The following CTNNA3 variants were observed in gnomAD, a reference collection of about 807,000 sequenced individuals.
The protein encoded by CTNNA3 is catenin alpha-3.
Under a neutral mutation model 95.7 loss-of-function variants are expected in CTNNA3, and 76 were observed. The observed-to-expected ratio is 0.79, with a 90% CI of 0.66 to 0.96. The LOEUF (loss-of-function observed/expected upper bound fraction) is 0.96, where lower values mean the gene tolerates loss of function less well. Ranked by LOEUF, CTNNA3 falls within the 40% of genes least tolerant of loss-of-function variation. The pLI is 0.00. For synonymous variants in CTNNA3, 431 were observed against 374.4 expected (o/e 1.15, Z -1.74); for missense variants, 1,191 against 1,089.8 (o/e 1.09, Z -1.31).
rs1840595140 is a variant in CTNNA3 at position 66,509,885 on chromosome 10, G to A, written c.1531+10732C>T. Among the ~76,000 whole-genome samples, 6 of 151,816 alleles carry A rather than the reference G, an allele frequency of 4.0e-5. No individual in the cohort carries two copies. In the South Asian group the frequency reaches 1.3e-3, roughly 32 times the overall value. ...CTTGGTATTGCATTGGGTATTTGGGGTCATTTGTGGTTCCAGACAATTTTA... is the reference window on the plus strand; with the variant it reads ...CTTGGTATTGCATTGGGTATTTGGGATCATTTGTGGTTCCAGACAATTTTA... On this transcript the variant is annotated intron_variant, in intron 11 of 17. Coordinates refer to ENST00000433211, the MANE Select transcript of CTNNA3 (RefSeq NM_013266.4).
chr10:66,429,663 T>C (rs7393975), intron 11 of CTNNA3, among the ~76,000 whole-genome samples: 58,049 of 151,874 alleles, frequency 0.38, 11,648 homozygotes, highest in African/African-American at 0.5. Flanking sequence ...ACATGATTAT[T>C]TCGATAGATG....
intron 8 of CTNNA3, among the ~76,000 whole-genome samples, chr10:66,770,217 T>C (rs1840032908): frequency 6.6e-6 from 1 of 152,208 alleles, no homozygotes; most frequent in African/African-American, 2.4e-5. Context: ...ATTTTCATTA[T>C]ATGTTCTGAC....
intron 15 of CTNNA3, among the ~76,000 whole-genome samples, chr10:66,006,412 G>A (rs369224686): frequency 9.2e-4 from 140 of 152,156 alleles, no homozygotes; most frequent in African/African-American, 3.2e-3. Context: ...AAGACTAAAA[G>A]TCATTATTCG....
chr10:66,038,487 A>T (rs1251573249), intron 15 of CTNNA3, among the ~76,000 whole-genome samples: 1 of 152,208 alleles, frequency 6.6e-6, no homozygotes. Flanking sequence ...TGTGAAAAAA[A>T]AATTTGAGCA....
chr10:67,509,416 C>T (rs1335227389), intron 5 of CTNNA3, among the ~76,000 whole-genome samples: 1 of 152,062 alleles, frequency 6.6e-6, no homozygotes, highest in African/African-American at 2.4e-5. Flanking sequence ...TGTTCAATTC[C>T]CACCTATAAG....
chr10:66,671,180 T>G (rs1243866972), intron 9 of CTNNA3, among the ~76,000 whole-genome samples: 1 of 152,222 alleles, frequency 6.6e-6, no homozygotes, highest in African/African-American at 2.4e-5. Context: ...AACATTAGTT[T>G]AACTGTAATT....
chr10:67,353,930 C>T (rs1589205652), intron 5 of CTNNA3, among the ~76,000 whole-genome samples: 1 of 151,958 alleles, frequency 6.6e-6, no homozygotes, highest in Admixed American at 6.6e-5. Context: ...AATGAAGAGA[C>T]CGAACTTCAG....
At chr10:66,183,277 T>C (rs1341932338) in intron 13 of CTNNA3, among the ~76,000 whole-genome samples, 1 of 152,236 alleles carries the variant, frequency 6.6e-6, no homozygotes, top group Non-Finnish European at 1.5e-5. Context: ...CATGCCCATG[T>C]GTTCCCATAT....
intron 7 of CTNNA3, among the ~76,000 whole-genome samples, chr10:67,127,412 T>C (rs1166555960): frequency 6.6e-6 from 1 of 152,192 alleles, no homozygotes; most frequent in African/African-American, 2.4e-5. Context: ...CACCTTCACT[T>C]ACATAAAATG....
intron 11 of CTNNA3, among the ~76,000 whole-genome samples, chr10:66,487,956 C>A (rs1460767437): frequency 1.3e-5 from 2 of 152,084 alleles, no homozygotes; most frequent in Non-Finnish European, 2.9e-5. Context: ...TGCCGTAAAC[C>A]AACCTCATCC....
At chr10:66,488,241 C>T (rs1009595579) in intron 11 of CTNNA3, among the ~76,000 whole-genome samples, 1 of 152,088 alleles carries the variant, frequency 6.6e-6, no homozygotes, top group African/African-American at 2.4e-5. Flanking sequence ...AGCAATATTC[C>T]AAATAAATGA....
At chr10:66,684,861 T>C (rs966550290) in intron 9 of CTNNA3, among the ~76,000 whole-genome samples, 5 of 152,056 alleles carry the variant, frequency 3.3e-5, no homozygotes, top group African/African-American at 1.2e-4. Context: ...TGGATGAAGA[T>C]GAACTCCTAT....
chr10:66,653,397 T>G (rs1382301674), intron 9 of CTNNA3, among the ~76,000 whole-genome samples: 1 of 81,840 alleles, frequency 1.2e-5, no homozygotes, highest in Non-Finnish European at 2.3e-5. Flanking sequence ...AGAAATAAAT[T>G]TAAACGAGGT....
chr10:67,726,433 A>ATATATAATATTATATAT (rs1327673462), intron 1 of CTNNA3, among the ~76,000 whole-genome samples: 83 of 1,098 alleles, frequency 0.076, 2 homozygotes, highest in South Asian at 0.14. Flanking sequence ...ATATTATATC[A>ATATATAATATTATATAT]TATATAATAT....
chr10:67,104,317 G>A (rs957595553), intron 7 of CTNNA3, among the ~76,000 whole-genome samples: 1 of 151,654 alleles, frequency 6.6e-6, no homozygotes, highest in Non-Finnish European at 1.5e-5. Flanking sequence ...CCTTATAGGA[G>A]TATTATAACT....
intron 1 of CTNNA3, among the ~76,000 whole-genome samples, chr10:67,761,863 G>A (rs1324067556): frequency 6.9e-6 from 1 of 144,648 alleles, no homozygotes; most frequent in Admixed American, 6.8e-5. Context: ...GGGCGACAGA[G>A]CAAGACTCCG....
intron 7 of CTNNA3, among the ~76,000 whole-genome samples, chr10:66,956,973 A>G (rs981519551): frequency 3.3e-5 from 5 of 152,212 alleles, no homozygotes. Flanking sequence ...GGGGAAAGAA[A>G]ACTAGTGGTA....
At chr10:66,615,593 T>G (rs1416319499) in intron 10 of CTNNA3, among the ~76,000 whole-genome samples, 6 of 152,040 alleles carry the variant, frequency 3.9e-5, no homozygotes, top group African/African-American at 4.8e-5. Flanking sequence ...TGTAAAAAAC[T>G]ATTATCTACT....
intron 7 of CTNNA3, among the ~76,000 whole-genome samples, chr10:67,082,734 T>C (rs1857113402): frequency 6.6e-6 from 1 of 152,188 alleles, no homozygotes; most frequent in Non-Finnish European, 1.5e-5. Context: ...AAAGTACTTC[T>C]ACATCAGCAT....
Sources: gnomAD v4.1 joint callset for allele counts (sites outside exome capture counted in the v4.1 genomes callset) on GRCh38, gnomAD v4.1.1 for gene constraint, MANE v1.5 for transcripts, NCBI Gene and HGNC (gene_info 2026-07-23, HGNC 2026-07-21) for gene names.